The following GTSE1 variants were observed in gnomAD, a reference collection of about 807,000 sequenced individuals.
The protein encoded by GTSE1 is G2 and S-phase expressed 1.
Under a neutral mutation model 60.5 loss-of-function variants are expected in GTSE1, and 52 were observed. The ratio of observed to expected loss-of-function variants is 0.86; its 90% CI spans 0.69 to 1.08. GTSE1 has a LOEUF of 1.08. Ranked by LOEUF, GTSE1 falls within the 50% of genes least tolerant of loss-of-function variation. GTSE1 has a pLI of 0.00. For missense variants in GTSE1, 937 were observed against 961.8 expected (o/e 0.97, Z 0.34); for synonymous variants, 368 against 386.5 (o/e 0.95, Z 0.56).
intron 2 of GTSE1, among the ~76,000 whole-genome samples, chr22:46,298,867 G>A (rs1414327016): frequency 2.0e-5 from 3 of 152,190 alleles, no homozygotes; most frequent in Non-Finnish European, 2.9e-5. Flanking sequence ...TCCACATACA[G>A]ATAATGTTCC....
In GTSE1 at chr22:46,316,173, A is replaced by G; in HGVS notation, c.1193A>G (p.Lys398Arg). 6.2e-7 allele frequency: 1 copy of G among 1,613,354 alleles called. No homozygotes were observed. Among genetic ancestry groups the G allele is most frequent in the Non-Finnish European group, 8.5e-7 (1 of 1,179,636 alleles). ...GPVGASSWQA[K>R]RVDVSELAAE... Reference sequence around the variant, plus strand: ...GTGGGGGCATCCTCCTGGCAGGCCAAGCGGGTCGATGTTTCTGAGCTGGCA... The same window carrying G: ...GTGGGGGCATCCTCCTGGCAGGCCAGGCGGGTCGATGTTTCTGAGCTGGCA... The change falls in exon 7 of 12, where the codon AAG (lysine) becomes AGG (arginine). Residue 398 changes from lysine to arginine, a missense_variant. Transcript: ENST00000454366. The surrounding 1 kb of genome is among the most constrained non-coding windows in gnomAD (Gnocchi z 5.0).
At chr22:46,311,367 T>C (rs928551548) in intron 4 of GTSE1, among the ~76,000 whole-genome samples, 1 of 152,208 alleles carries the variant, frequency 6.6e-6, no homozygotes, top group Non-Finnish European at 1.5e-5. Flanking sequence ...CGTGAGCCAC[T>C]GCACCCGGCC....
At chr22:46,301,455 A>T (rs1467013624) in intron 2 of GTSE1, among the ~76,000 whole-genome samples, 1 of 150,592 alleles carries the variant, frequency 6.6e-6, no homozygotes, top group African/African-American at 2.4e-5. Flanking sequence ...ATAGGCGAAA[A>T]CTGCATTCTC....
In GTSE1 at chr22:46,324,463, A is replaced by G. The variant is rs2077832585; in HGVS notation, c.1505+1201A>G. Among the ~76,000 whole-genome samples the G allele has an allele frequency of 6.6e-6, 1 of 151,700 alleles. No individual in the cohort carries two copies. Among genetic ancestry groups the G allele is most frequent in the African/African-American group, 2.4e-5 (1 of 41,270 alleles). On this transcript the variant is annotated intron_variant, in intron 8 of 11. Coordinates refer to ENST00000454366, the MANE Select transcript of GTSE1 (RefSeq NM_016426.7). The surrounding 1 kb of genome is among the most constrained non-coding windows in gnomAD (Gnocchi z 5.2). ...GCTCATGGTAAGCTCCGCCTCCTGG[A>G]TTCACGCCATTCTCCTGCCTCAGCC...
chr22:46,303,151 C>T (rs1208408809), intron 2 of GTSE1, among the ~76,000 whole-genome samples: 2 of 152,030 alleles, frequency 1.3e-5, no homozygotes, highest in Non-Finnish European at 2.9e-5. Flanking sequence ...CCACCCTCCT[C>T]GGCCTCCCAA....
In GTSE1 at chr22:46,308,861, C is replaced by T. The variant is rs1161524500; in HGVS notation, c.680C>T (p.Thr227Ile). ...GCTCATGCTGCAAGTCAGGCAGCGA[C>T]TCAGAGGAAGCCCGGGACCAAATTG... ...CTAHAASQAA[T>I]QRKPGTKLLL... The change falls in exon 4 of 12, where the codon ACT becomes ATT. Residue 227 changes from threonine (T) to isoleucine (I), a missense_variant. Transcript: ENST00000454366. 1 of 1,613,256 alleles carries T rather than the reference C, an allele frequency of 6.2e-7. No homozygotes were observed. The highest frequency in any genetic ancestry group is 1.7e-5 in the Admixed American group (1 of 60,030).
Position 46,330,080 on chromosome 22 carries a change from A to G in GTSE1, c.2170A>G (p.Ser724Gly). The G allele has an allele frequency of 6.2e-7, 1 of 1,611,910 alleles. No homozygotes were observed. Among genetic ancestry groups the G allele is most frequent in the Non-Finnish European group, 8.5e-7 (1 of 1,177,926 alleles). ...CCTGAGCTCCCCTCTGATCCAGCTGAGCCCTGAGGCTGACAAGGAGAACGT... is the reference window on the plus strand; with the variant it reads ...CCTGAGCTCCCCTCTGATCCAGCTGGGCCCTGAGGCTGACAAGGAGAACGT... ...IDLSSPLIQL[S>G]PEADKENVDS... is the part of the protein sequence containing the mutation. The change falls in exon 12 of 12, where the codon AGC becomes GGC. Residue 724 changes from serine (S) to glycine (G), a missense_variant. By Grantham distance (56) the Ser-to-Gly change is moderately conservative (BLOSUM62 0). Coordinates refer to ENST00000454366, the MANE Select transcript of GTSE1 (RefSeq NM_016426.7). The surrounding 1 kb of genome is among the most constrained non-coding windows in gnomAD (Gnocchi z 6.0).
rs1028520617 is a variant in GTSE1 at position 46,330,379 on chromosome 22, G to A, written c.*249G>A. Reference sequence around the variant, plus strand: ...TGCCTGTAGTCCCAGCTACTTGGGAGGCTGAAGTGGGAGGATGGCCTGAGC... The same window carrying A: ...TGCCTGTAGTCCCAGCTACTTGGGAAGCTGAAGTGGGAGGATGGCCTGAGC... On this transcript the variant is annotated 3_prime_UTR_variant, in exon 12 of 12. Coordinates refer to ENST00000454366, the MANE Select transcript of GTSE1 (RefSeq NM_016426.7). This position sits in a 1 kb window ranked among gnomAD's most constrained non-coding sequence, Gnocchi z 6.0. 13 of 396,760 alleles carry A rather than the reference G, an allele frequency of 3.3e-5. No homozygotes were observed. The highest frequency in any genetic ancestry group is 3.9e-5 in the Admixed American group (1 of 25,752). The allele number at this position is 396,760 out of a possible 1,614,324, so 24.6% of individuals were successfully genotyped here. A position where few individuals can be genotyped will look rare whatever the true frequency, so the allele number is the denominator to read the frequency against.
rs1273262832 is a variant in GTSE1 at position 46,321,757 on chromosome 22, T to C, written c.1433-1433T>C. The stretch of plus-strand genomic sequence containing the variant: ...TTCATTTTTAAAAACTGTGCATGAG[T>C]CACTTTGATAGAGGTGATTTTTAAA... On this transcript the variant is annotated intron_variant, in intron 7 of 11. Transcript: ENST00000454366. The surrounding 1 kb of genome is among the most constrained non-coding windows in gnomAD (Gnocchi z 4.0). Among the ~76,000 whole-genome samples the C allele has an allele frequency of 6.6e-6, 1 of 151,916 alleles. No homozygotes were observed. The highest frequency in any genetic ancestry group is 1.5e-5 in the Non-Finnish European group (1 of 67,986).
intron 2 of GTSE1, among the ~76,000 whole-genome samples, chr22:46,298,407 A>G (rs1276801760): frequency 2.0e-5 from 3 of 151,334 alleles, no homozygotes; most frequent in Admixed American, 6.6e-5. Flanking sequence ...TTTCGGGTTC[A>G]AGCGATTCTC....
intron 8 of GTSE1, among the ~76,000 whole-genome samples, chr22:46,323,781 G>A (rs1005467236): frequency 9.9e-5 from 15 of 152,044 alleles, no homozygotes; most frequent in Admixed American, 3.3e-4. Flanking sequence ...TCCACCTCCC[G>A]GGTTCACGCC....
chr22:46,318,446 T>C lies in GTSE1; in HGVS notation c.1432+2034T>C, dbSNP rs998648258. Among the ~76,000 whole-genome samples the C allele has an allele frequency of 7.9e-5, 12 of 152,308 alleles. No homozygotes were observed. The highest frequency in any genetic ancestry group is 2.9e-4 in the African/African-American group (12 of 41,576). ...ATAAGACAGACCTACTCTCACAGAA[T>C]TTCTGTTTAATAGGAAAAGATACGA... On this transcript the variant is annotated intron_variant, in intron 7 of 11. Coordinates refer to ENST00000454366, the MANE Select transcript of GTSE1 (RefSeq NM_016426.7). The surrounding 1 kb of genome is among the most constrained non-coding windows in gnomAD (Gnocchi z 4.8).
At position 46,316,007 on chromosome 22, in the gene GTSE1, T is replaced by C. The variant is rs766474245; in HGVS notation, c.1052-25T>C. The stretch of plus-strand genomic sequence containing the variant: ...ATAGCTTCATACTTTTATAATAATG[T>C]GATTTTTGTGTGTATACCTTCTAGC... On this transcript the variant is annotated intron_variant, in intron 6 of 11. Coordinates refer to ENST00000454366, the MANE Select transcript of GTSE1 (RefSeq NM_016426.7). The surrounding 1 kb of genome is among the most constrained non-coding windows in gnomAD (Gnocchi z 5.0). 1 of 1,472,768 alleles carries C rather than the reference T, an allele frequency of 6.8e-7. No individual in the cohort carries two copies. Among genetic ancestry groups the C allele is most frequent in the Non-Finnish European group, 9.0e-7 (1 of 1,105,666 alleles). 91.2% of individuals were successfully genotyped at this position (1,472,768 alleles called of 1,614,324 possible). A position where few individuals can be genotyped will look rare whatever the true frequency, so the allele number is the denominator to read the frequency against.
intron 2 of GTSE1, among the ~76,000 whole-genome samples, chr22:46,301,654 AT>A (rs1182849280): frequency 2.0e-5 from 3 of 151,514 alleles, no homozygotes; most frequent in African/African-American, 7.3e-5. Context: ...GGCCTGGCTA[AT>A]TTTTTGTATT....
At chr22:46,312,000 C>G in intron 4 of GTSE1, 141 bp from the exon 5 acceptor site, 3 of 663,628 alleles carry the variant, frequency 4.5e-6, no homozygotes, top group Non-Finnish European at 7.9e-6. Context: ...TGCCCTGTTC[C>G]CTTCAATCTG....
rs1259202453 is a variant in GTSE1, at chr22:46,330,335, A to G, written c.*205A>G. The G allele has an allele frequency of 2.0e-6, 1 of 509,282 alleles. No individual in the cohort carries two copies. The highest frequency in any genetic ancestry group is 3.5e-5 in the East Asian group (1 of 28,578). 31.5% of individuals were successfully genotyped at this position (509,282 alleles called of 1,614,324 possible). A position where few individuals can be genotyped will look rare whatever the true frequency, so the allele number is the denominator to read the frequency against. On this transcript the variant is annotated 3_prime_UTR_variant, in exon 12 of 12. Transcript: ENST00000454366. This position sits in a 1 kb window ranked among gnomAD's most constrained non-coding sequence, Gnocchi z 6.0. ...TGTCCCTACAAAAAATACAAAAATT[A>G]GCCGGGTGTGGTAGTGCATGCCTGT...
At position 46,308,563 on chromosome 22, in the gene GTSE1, G is replaced by A. The variant is rs373461999; in HGVS notation, c.382G>A (p.Asp128Asn). 1.1e-5 allele frequency: 17 copies of A among 1,614,176 alleles called. No individual in the cohort carries two copies. Among genetic ancestry groups the A allele is most frequent in the Non-Finnish European group, 1.4e-5 (17 of 1,180,028 alleles). ...GGCAGCCCAAGCTGCCAAGCCTGAAGACCCTCGGAGCCAGGGCGTGGAAAG... is the reference window on the plus strand; with the variant it reads ...GGCAGCCCAAGCTGCCAAGCCTGAAAACCCTCGGAGCCAGGGCGTGGAAAG... ...NQAAQAAKPEDPRSQGVERFI... is the reference protein window; with the variant it reads ...NQAAQAAKPENPRSQGVERFI... Residue 128 changes from aspartate to asparagine, a missense_variant, in exon 4 of 12, where the codon GAC (aspartate) becomes AAC (asparagine). Physicochemically the swap from Asp to Asn is conservative, Grantham distance 23. Coordinates refer to ENST00000454366, the MANE Select transcript of GTSE1 (RefSeq NM_016426.7).
intron 2 of GTSE1, among the ~76,000 whole-genome samples, chr22:46,298,410 C>T (rs1050871485): frequency 2.0e-5 from 3 of 148,616 alleles, no homozygotes; most frequent in African/African-American, 7.4e-5. Flanking sequence ...CGGGTTCAAG[C>T]GATTCTCCTG....
chr22:46,329,100 A>C lies in GTSE1; in HGVS notation c.1926+211A>C. ...CCTGCATTTGACTAAGGCAAGGGTC[A>C]GGGATCAAAGCTGAGGAAGCGGGAA... On this transcript the variant is annotated intron_variant, in intron 10 of 11. Coordinates refer to ENST00000454366, the MANE Select transcript of GTSE1 (RefSeq NM_016426.7). This position sits in a 1 kb window ranked among gnomAD's most constrained non-coding sequence, Gnocchi z 6.4. The C allele has an allele frequency of 1.6e-6, 1 of 620,570 alleles. No individual in the cohort carries two copies. The highest frequency in any genetic ancestry group is 2.8e-6 in the Non-Finnish European group (1 of 351,916). The allele number at this position is 620,570 out of a possible 1,614,324, so 38.4% of individuals were successfully genotyped here.
Sources: gnomAD v4.1 joint callset for allele counts (sites outside exome capture counted in the v4.1 genomes callset) on GRCh38, gnomAD v4.1.1 for gene constraint, Gnocchi (gnomAD v3.1) non-coding constraint, MANE v1.5 for transcripts, NCBI Gene and HGNC (gene_info 2026-07-23, HGNC 2026-07-21) for gene names.